The following BNC2 variants were observed in gnomAD, a reference collection of about 807,000 sequenced individuals.
BNC2 encodes the protein basonuclin zinc finger protein 2, also known as zinc finger protein basonuclin-2.
A neutral mutation model predicts 76.3 loss-of-function variants in BNC2; 20 were observed. That is an observed-to-expected ratio of 0.26 (90% CI 0.18 to 0.38). The LOEUF (loss-of-function observed/expected upper bound fraction) is 0.38. Ranked by LOEUF, BNC2 falls within the 10% of genes least tolerant of loss-of-function variation. BNC2 has a pLI of 1.00. For synonymous variants in BNC2, 582 were observed against 514.8 expected (o/e 1.13, Z -1.77); for missense variants, 1,382 against 1,399.8 (o/e 0.99, Z 0.20).
At chr9:16,486,991 G>C (rs906145348) in intron 5 of BNC2, among the ~76,000 whole-genome samples, 1 of 152,150 alleles carries the variant, frequency 6.6e-6, no homozygotes, top group African/African-American at 2.4e-5. Context: ...TTACAGTTGT[G>C]AGCCACCATG....
chr9:16,714,365 C>T (rs1402628061), intron 3 of BNC2, among the ~76,000 whole-genome samples: 10 of 152,206 alleles, frequency 6.6e-5, no homozygotes, highest in Admixed American at 2.0e-4. Flanking sequence ...CTTCCCTCCC[C>T]TTATATTAAA....
At chr9:16,693,711 C>T (rs1823251773) in intron 3 of BNC2, among the ~76,000 whole-genome samples, 1 of 152,052 alleles carries the variant, frequency 6.6e-6, no homozygotes, top group African/African-American at 2.4e-5. Flanking sequence ...TTCTTATCTC[C>T]CAACATCTCA....
intron 1 of BNC2, among the ~76,000 whole-genome samples, chr9:16,853,342 G>A (rs185653531): frequency 1.3e-5 from 2 of 151,140 alleles, no homozygotes; most frequent in East Asian, 3.9e-4. Context: ...GGAGGTCGAG[G>A]CTGCAGTGAG....
chr9:16,789,394 G>A (rs1031231221), intron 1 of BNC2, among the ~76,000 whole-genome samples: 19 of 151,994 alleles, frequency 1.3e-4, no homozygotes, highest in African/African-American at 3.1e-4. Context: ...AGAAACTAGG[G>A]GAAAACCCTA....
At chr9:16,596,237 A>T (rs1820071160) in intron 3 of BNC2, among the ~76,000 whole-genome samples, 1 of 152,124 alleles carries the variant, frequency 6.6e-6, no homozygotes, top group Non-Finnish European at 1.5e-5. Flanking sequence ...AAAATTAAAC[A>T]TCTTGGGGCA....
At chr9:16,437,620 T>C in intron 5 of BNC2, 96 bp from the exon 6 acceptor site, 1 of 1,406,300 alleles carries the variant, frequency 7.1e-7, no homozygotes, top group Non-Finnish European at 9.7e-7. Context: ...TGTGTGCTCA[T>C]AAAACACTGA....
chr9:16,799,064 G>A (rs1439455917), intron 1 of BNC2, among the ~76,000 whole-genome samples: 1 of 152,050 alleles, frequency 6.6e-6, no homozygotes, highest in African/African-American at 2.4e-5. Flanking sequence ...CAATTTGAAT[G>A]GCCAGTGCTT....
chr9:16,784,436 T>G (rs1826228085), intron 1 of BNC2, among the ~76,000 whole-genome samples: 1 of 152,200 alleles, frequency 6.6e-6, no homozygotes, highest in Non-Finnish European at 1.5e-5. Context: ...AGGGACAAAG[T>G]AATAAGTGCC....
intron 4 of BNC2, among the ~76,000 whole-genome samples, chr9:16,562,816 T>C (rs1333484086): frequency 6.6e-6 from 1 of 152,204 alleles, no homozygotes; most frequent in African/African-American, 2.4e-5. Context: ...CAAAGTGATA[T>C]CATGACTTCT....
intron 4 of BNC2, among the ~76,000 whole-genome samples, 180 bp downstream of exon 4, chr9:16,582,803 T>C (rs1020626195): frequency 6.6e-6 from 1 of 152,070 alleles, no homozygotes; most frequent in South Asian, 2.1e-4. Flanking sequence ...GCTGAGAATA[T>C]GCTGTTTTAG....
chr9:16,656,623 T>G (rs1563882854), intron 3 of BNC2, among the ~76,000 whole-genome samples: 1 of 152,180 alleles, frequency 6.6e-6, no homozygotes, highest in Non-Finnish European at 1.5e-5. Context: ...ATAAACATAT[T>G]CATCATCTCC....
chr9:16,610,051 A>T (rs1820501676), intron 3 of BNC2, among the ~76,000 whole-genome samples: 1 of 152,190 alleles, frequency 6.6e-6, no homozygotes, highest in Non-Finnish European at 1.5e-5. Context: ...ATGGATAAAT[A>T]TACCATTATT....
intron 4 of BNC2, among the ~76,000 whole-genome samples, chr9:16,571,998 G>A (rs1819338297): frequency 6.6e-6 from 1 of 152,026 alleles, no homozygotes; most frequent in Non-Finnish European, 1.5e-5. Context: ...AGCCAAACAG[G>A]TGTTTTCTTT....
chr9:16,480,304 C>T (rs1453663016), intron 5 of BNC2, among the ~76,000 whole-genome samples: 1 of 152,232 alleles, frequency 6.6e-6, no homozygotes, highest in Non-Finnish European at 1.5e-5. Context: ...AAAACCCAAT[C>T]TGTTAAATCA....
At position 16,416,298 on chromosome 9, in the gene BNC2, TATA is replaced by T. The variant is rs1820582704; in HGVS notation, c.*2688_*2690del. ...TGCACACTGCAAAAGCCAGAGTTTCTATAATGTTTTGTTGGGATATTAAAAATC... is the reference window on the plus strand; with the variant it reads ...TGCACACTGCAAAAGCCAGAGTTTCTATGTTTTGTTGGGATATTAAAAATC... On this transcript the variant is annotated 3_prime_UTR_variant, in exon 7 of 7. Transcript: ENST00000380672. 6.5e-6 allele frequency: 1 copy of T among 152,762 alleles called. No homozygotes were observed. The highest frequency in any genetic ancestry group is 2.1e-4 in the South Asian group (1 of 4,828). The allele number at this position is 152,762 out of a possible 1,614,324, so 9.5% of individuals were successfully genotyped here.
At chr9:16,865,557 G>A (rs1481936733) in intron 1 of BNC2, among the ~76,000 whole-genome samples, 1 of 151,930 alleles carries the variant, frequency 6.6e-6, no homozygotes, top group East Asian at 1.9e-4. Flanking sequence ...TTATTTTTTG[G>A]TGCCCTTCTC....
chr9:16,472,992 C>G (rs1821856485), intron 5 of BNC2, among the ~76,000 whole-genome samples: 1 of 152,010 alleles, frequency 6.6e-6, no homozygotes, highest in African/African-American at 2.4e-5. Flanking sequence ...GGCAGAGTCC[C>G]AAGGCACATC....
Position 16,514,989 on chromosome 9 carries a change from T to C in BNC2, c.669+37541A>G, listed in dbSNP as rs575169787. 2.6e-5 allele frequency among the ~76,000 whole-genome samples: 4 copies of C among 152,320 alleles called. No homozygotes were observed. In the East Asian group the frequency reaches 7.7e-4, roughly 29 times the overall value. ...TTCTGGTTTCTGGAACCAGCAAAAC[T>C]GTCTGGCAGTTACACTGACCCAGAA... On this transcript the variant is annotated intron_variant, in intron 5 of 6. Coordinates refer to ENST00000380672, the MANE Select transcript of BNC2 (RefSeq NM_017637.6).
At chr9:16,589,511 T>TTGTC (rs1819864860) in intron 3 of BNC2, among the ~76,000 whole-genome samples, 5 of 150,650 alleles carry the variant, frequency 3.3e-5, no homozygotes, top group African/African-American at 1.2e-4. Context: ...GTTTGTTTGT[T>TTGTC]TGTTTGTTTG....
Sources: gnomAD v4.1 joint callset for allele counts (sites outside exome capture counted in the v4.1 genomes callset) on GRCh38, gnomAD v4.1.1 for gene constraint, MANE v1.5 for transcripts, NCBI Gene and HGNC (gene_info 2026-07-23, HGNC 2026-07-21) for gene names.